Variants in TBC1D22A observed in about 807,000 individuals in gnomAD.
TBC1D22A encodes TBC1 domain family member 22A, also known as putative GTPase activator.
Under a neutral mutation model 60.2 loss-of-function variants are expected in TBC1D22A, and 38 were observed. That is an observed-to-expected ratio of 0.63 (90% CI 0.49 to 0.83). TBC1D22A has a LOEUF of 0.83. Ranked by LOEUF, TBC1D22A falls within the 40% of genes least tolerant of loss-of-function variation. The pLI, the probability that TBC1D22A is intolerant of heterozygous loss-of-function variation, is 0.00. For synonymous variants in TBC1D22A, 302 were observed against 281.7 expected, an observed-to-expected ratio of 1.07 and a Z score of -0.72; for missense variants, 628 against 701.0, an observed-to-expected ratio of 0.90 and a Z score of 1.18.
At chr22:46,953,934 G>T (rs1259602074) in intron 8 of TBC1D22A, among the ~76,000 whole-genome samples, 2 of 152,234 alleles carry the variant, frequency 1.3e-5, no homozygotes, top group Non-Finnish European at 2.9e-5. Context: ...GCTGAGAGTT[G>T]ATCAGGTTAA....
chr22:46,895,443 G>A (rs189812484), intron 7 of TBC1D22A, among the ~76,000 whole-genome samples: 5 of 151,868 alleles, frequency 3.3e-5, no homozygotes, highest in East Asian at 3.9e-4. Flanking sequence ...GTATGATCTC[G>A]GCTCACTGCC....
chr22:47,057,020 G>C (rs1320947433), intron 11 of TBC1D22A, among the ~76,000 whole-genome samples: 1 of 152,206 alleles, frequency 6.6e-6, no homozygotes, highest in African/African-American at 2.4e-5. Flanking sequence ...ACTCAGGAGA[G>C]AACCCGTGAG....
chr22:46,979,516 G>T (rs926372821), intron 9 of TBC1D22A, among the ~76,000 whole-genome samples: 1 of 152,204 alleles, frequency 6.6e-6, no homozygotes, highest in Non-Finnish European at 1.5e-5. Context: ...CCTTGACGAC[G>T]CTTCTGTTTC....
chr22:47,059,525 C>G (rs902107960), intron 11 of TBC1D22A, among the ~76,000 whole-genome samples: 2 of 152,164 alleles, frequency 1.3e-5, no homozygotes, highest in African/African-American at 4.8e-5. Flanking sequence ...GTTTCCACCC[C>G]CAATGTGAGC....
In TBC1D22A at chr22:47,028,863, G is replaced by A. The variant is rs73486756; in HGVS notation, c.1202-8208G>A. On this transcript the variant is annotated intron_variant, in intron 10 of 12. Transcript: ENST00000337137. The surrounding 1 kb of genome is among the most constrained non-coding windows in gnomAD (Gnocchi z 4.4). ...TTGTCCCCAAATGTGGGACACCACCGCACGATCCTGACACTAACATCCCAG... is the reference window on the plus strand; with the variant it reads ...TTGTCCCCAAATGTGGGACACCACCACACGATCCTGACACTAACATCCCAG... Among the ~76,000 whole-genome samples, 5,771 of 152,194 alleles carry A rather than the reference G, an allele frequency of 0.038. 333 individuals are homozygous for A. Among genetic ancestry groups the A allele is most frequent in the African/African-American group, 0.13 (5,484 of 41,470 alleles).
At chr22:46,989,411 G>A (rs547486221) in intron 9 of TBC1D22A, among the ~76,000 whole-genome samples, 6 of 152,014 alleles carry the variant, frequency 3.9e-5, no homozygotes, top group African/African-American at 7.2e-5. Flanking sequence ...CTCACCAAGC[G>A]TAATCTTTCT....
intron 5 of TBC1D22A, among the ~76,000 whole-genome samples, chr22:46,888,576 G>A (rs1288804565): frequency 6.6e-6 from 1 of 152,182 alleles, no homozygotes; most frequent in South Asian, 2.1e-4. Context: ...GCCCCACCTC[G>A]TGGGAGAAGT....
chr22:46,999,223 C>G (rs902097514), intron 10 of TBC1D22A, among the ~76,000 whole-genome samples: 4 of 152,200 alleles, frequency 2.6e-5, no homozygotes, highest in Non-Finnish European at 4.4e-5. Context: ...ATTGCGGATT[C>G]GCTGGATGAT....
chr22:47,035,623 C>T lies in TBC1D22A; in HGVS notation c.1202-1448C>T, dbSNP rs556258176. 2.7e-4 allele frequency among the ~76,000 whole-genome samples: 41 copies of T among 152,296 alleles called. 1 individual carries two copies. The highest frequency in any genetic ancestry group is 2.5e-3 in the Admixed American group (39 of 15,310). ...CACGTTTGCCCTGGTCAGCTGAGGACAGCAGTGGTTTAGGGGAGGAGGGTG... is the reference window on the plus strand; with the variant it reads ...CACGTTTGCCCTGGTCAGCTGAGGATAGCAGTGGTTTAGGGGAGGAGGGTG... On this transcript the variant is annotated intron_variant, in intron 10 of 12. Transcript: ENST00000337137.
At chr22:47,166,007 T>A (rs1349580705) in intron 12 of TBC1D22A, among the ~76,000 whole-genome samples, 1 of 152,242 alleles carries the variant, frequency 6.6e-6, no homozygotes, top group Non-Finnish European at 1.5e-5. Flanking sequence ...AGTAGGCAAA[T>A]GGGCCTTTTA....
chr22:46,938,147 C>G (rs536838480), intron 8 of TBC1D22A, among the ~76,000 whole-genome samples: 151 of 152,286 alleles, frequency 9.9e-4, no homozygotes, highest in South Asian at 6.0e-3. Flanking sequence ...ACTGACTCAC[C>G]CAGAGCAACT....
chr22:47,000,005 A>G (rs2075259086), intron 10 of TBC1D22A, among the ~76,000 whole-genome samples: 1 of 152,206 alleles, frequency 6.6e-6, no homozygotes, highest in East Asian at 1.9e-4. Flanking sequence ...AGCCTGGGTG[A>G]CAGAGCGAGA....
chr22:47,096,816 T>C (rs1018763814), intron 11 of TBC1D22A, among the ~76,000 whole-genome samples: 12 of 152,176 alleles, frequency 7.9e-5, no homozygotes, highest in Non-Finnish European at 1.3e-4. Flanking sequence ...AGCGAGACTC[T>C]GTCTCAAAAA....
At chr22:46,763,433 G>A (rs928087767) in intron 1 of TBC1D22A, 1 of 105,378 alleles carries the variant, frequency 9.5e-6, no homozygotes, top group African/African-American at 3.7e-5. Context: ...TTTTTTCTTC[G>A]GCTGGAATGA....
intron 9 of TBC1D22A, among the ~76,000 whole-genome samples, chr22:46,994,283 C>G (rs1416658466): frequency 6.6e-6 from 1 of 152,352 alleles, no homozygotes; most frequent in Non-Finnish European, 1.5e-5. Context: ...CACCGAATGG[C>G]TGACTGATCC....
chr22:47,059,097 C>A (rs1410361917), intron 11 of TBC1D22A, among the ~76,000 whole-genome samples: 1 of 152,240 alleles, frequency 6.6e-6, no homozygotes, highest in Non-Finnish European at 1.5e-5. Flanking sequence ...TTGTGATGGC[C>A]ACCTTACAGA....
intron 4 of TBC1D22A, among the ~76,000 whole-genome samples, chr22:46,866,482 C>T (rs1469183776): frequency 6.6e-6 from 1 of 152,190 alleles, no homozygotes; most frequent in Non-Finnish European, 1.5e-5. Flanking sequence ...TAATGATACA[C>T]CTGTCAAGCG....
chr22:47,087,235 GA>G (rs2064735893), intron 11 of TBC1D22A, among the ~76,000 whole-genome samples: 1 of 152,178 alleles, frequency 6.6e-6, no homozygotes, highest in Non-Finnish European at 1.5e-5. Context: ...AGAAACCAAT[GA>G]AAAAGGGTTA....
At chr22:47,054,141 C>G (rs982218994) in intron 11 of TBC1D22A, among the ~76,000 whole-genome samples, 1 of 152,186 alleles carries the variant, frequency 6.6e-6, no homozygotes, top group African/African-American at 2.4e-5. Flanking sequence ...CAAGAGCCCC[C>G]CAGCACCCAT....
Sources: allele counts gnomAD v4.1 joint callset (sites outside exome capture counted in the v4.1 genomes callset), GRCh38; gene constraint gnomAD v4.1.1; non-coding constraint Gnocchi (gnomAD v3.1); transcripts MANE v1.5; gene names NCBI Gene and HGNC (gene_info 2026-07-23, HGNC 2026-07-21).